ATF7IP: variants seen among roughly 807,000 people sequenced by gnomAD.
ATF7IP encodes activating transcription factor 7-interacting protein 1.
In ATF7IP, 23 loss-of-function variants were observed where a neutral mutation model predicts 106.4. That is an observed-to-expected ratio of 0.22 (90% confidence interval 0.16 to 0.31). The LOEUF (loss-of-function observed/expected upper bound fraction) is 0.31, where lower values mean the gene tolerates loss of function less well. ATF7IP is among the 10% of genes least tolerant of loss of function. The pLI, the probability that ATF7IP is intolerant of heterozygous loss-of-function variation, is 1.00. For synonymous variants in ATF7IP, 542 were observed against 539.0 expected (o/e 1.01, Z -0.08); for missense variants, 1,334 against 1,524.3 (o/e 0.88, Z 2.08).
At chr12:14,367,364 T>A (rs1272464684) in intron 1 of ATF7IP, 1 of 152,122 alleles carries the variant, frequency 6.6e-6, no homozygotes, top group Non-Finnish European at 1.5e-5. Flanking sequence ...TAGGAAAGAT[T>A]CTTCTTTTTT....
chr12:14,376,343 C>G (rs1375049980), intron 1 of ATF7IP, among the ~76,000 whole-genome samples: 1 of 152,228 alleles, frequency 6.6e-6, no homozygotes, highest in Non-Finnish European at 1.5e-5. Context: ...GCTCCAGCCT[C>G]TTAAGGCACA....
chr12:14,396,149 G>C (rs1439130743), intron 1 of ATF7IP, among the ~76,000 whole-genome samples: 7 of 152,166 alleles, frequency 4.6e-5, no homozygotes, highest in African/African-American at 1.7e-4. Flanking sequence ...GTAAAGTGAA[G>C]AGTGGTAGTG....
In ATF7IP at chr12:14,425,024, A is replaced by T; in HGVS notation, c.1109A>T (p.Lys370Met). 6.2e-7 allele frequency: 1 copy of T among 1,611,288 alleles called. No homozygotes were observed. The highest frequency in any genetic ancestry group is 8.5e-7 in the Non-Finnish European group (1 of 1,179,318). Residue 370 changes from lysine to methionine, a missense_variant, in exon 2 of 15, where the codon AAG becomes ATG. Around this residue, in one of 10 missense-constraint regions of ATF7IP, gnomAD observed 438 missense variants for 405.3 expected, o/e 1.08. Transcript: ENST00000261168. ...CSDRPPENEK[K>M]VEEDIITELA... is the part of the protein sequence containing the mutation. ...GATCGACCTCCTGAAAATGAAAAGAAGGTAGAGGAAGATATTATCACAGAG... is the reference window on the plus strand; with the variant it reads ...GATCGACCTCCTGAAAATGAAAAGATGGTAGAGGAAGATATTATCACAGAG...
intron 1 of ATF7IP, among the ~76,000 whole-genome samples, chr12:14,393,772 A>G (rs1463622241): frequency 6.6e-6 from 1 of 152,212 alleles, no homozygotes; most frequent in Non-Finnish European, 1.5e-5. Flanking sequence ...TTACTTTAAA[A>G]TGAAATTTAA....
chr12:14,431,145 G>T (rs1217210537), intron 2 of ATF7IP, among the ~76,000 whole-genome samples: 1 of 152,160 alleles, frequency 6.6e-6, no homozygotes, highest in African/African-American at 2.4e-5. Context: ...CCTTATTAAA[G>T]ATAGTAGTCA....
Position 14,501,140 on chromosome 12 carries a change from T to G in ATF7IP, c.*3067T>G, listed in dbSNP as rs1319184121. 1 of 152,216 alleles carries G rather than the reference T, an allele frequency of 6.6e-6. No homozygotes were observed. The highest frequency in any genetic ancestry group is 1.9e-4 in the East Asian group (1 of 5,200). 9.4% of individuals were successfully genotyped at this position (152,216 alleles called of 1,614,324 possible). On this transcript the variant is annotated 3_prime_UTR_variant, in exon 15 of 15. Coordinates refer to ENST00000261168, the MANE Select transcript of ATF7IP (RefSeq NM_018179.5). Reference sequence around the variant, plus strand: ...AGAGAATGGAGGACTTAAGTAGAAGTAGCTACTGATAACAGACTTTCTAGT... The same window carrying G: ...AGAGAATGGAGGACTTAAGTAGAAGGAGCTACTGATAACAGACTTTCTAGT...
chr12:14,449,230 A>G (rs1943102867), intron 6 of ATF7IP, among the ~76,000 whole-genome samples: 2 of 152,094 alleles, frequency 1.3e-5, no homozygotes, highest in African/African-American at 2.4e-5. Context: ...ATCCAATGTC[A>G]TGAAACTTTT....
intron 4 of ATF7IP, 122 bp downstream of exon 4, chr12:14,436,373 C>T (rs1306618716): frequency 1.9e-6 from 2 of 1,049,388 alleles, no homozygotes; most frequent in Non-Finnish European, 2.7e-6. Context: ...AAAGAAAGAA[C>T]TTGAAGAAAG....
chr12:14,436,228 G>C lies in ATF7IP; in HGVS notation c.1768G>C (p.Asp590His). The C allele has an allele frequency of 1.2e-6, 2 of 1,612,852 alleles. No individual in the cohort carries two copies. Among genetic ancestry groups the C allele is most frequent in the Non-Finnish European group, 1.7e-6 (2 of 1,179,508 alleles). The change falls in exon 4 of 15, where the codon GAC (aspartate) becomes CAC (histidine). Residue 590 changes from aspartate to histidine, a missense_variant. By Grantham distance (81) the Asp-to-His change is moderately conservative (BLOSUM62 -1). Transcript: ENST00000261168. ...TCAAGTAAAGATTACAGCCAAAGGA[G>C]ACATTAACCAGAAACTTCAAAAGGT... is the stretch of plus-strand genomic sequence containing the variant. Reference protein sequence around the residue: ...EFQVKITAKGDINQKLQKVIQ... With the variant: ...EFQVKITAKGHINQKLQKVIQ...
Position 14,398,559 on chromosome 12 carries a change from GA to G in ATF7IP, c.-7-25343del, listed in dbSNP as rs1347489595. Among the ~76,000 whole-genome samples, 5 of 150,126 alleles carry G rather than the reference GA, an allele frequency of 3.3e-5. No individual in the cohort carries two copies. In the South Asian group the frequency reaches 6.3e-4, roughly 19 times the overall value. ...ATTGATGTACATTGGCTGTATTTGT[GA>G]AAAAAATTATATTTTGGGTTTATTG... On this transcript the variant is annotated intron_variant, in intron 1 of 14. Coordinates refer to ENST00000261168, the MANE Select transcript of ATF7IP (RefSeq NM_018179.5).
Position 14,498,779 on chromosome 12 carries a change from A to C in ATF7IP, c.*706A>C, listed in dbSNP as rs1280053005. ...TATGGCCATATGTCCGTTGTTGCTT[A>C]GTCTTCCCTTGCAGCCTTTTACCCT... is the stretch of plus-strand genomic sequence containing the variant. On this transcript the variant is annotated 3_prime_UTR_variant, in exon 15 of 15. Coordinates refer to ENST00000261168, the MANE Select transcript of ATF7IP (RefSeq NM_018179.5). 1 of 152,620 alleles carries C rather than the reference A, an allele frequency of 6.6e-6. No homozygotes were observed. The highest frequency in any genetic ancestry group is 1.5e-5 in the Non-Finnish European group (1 of 68,052). 9.5% of individuals were successfully genotyped at this position (152,620 alleles called of 1,614,324 possible). A position where few individuals can be genotyped will look rare whatever the true frequency, so the allele number is the denominator to read the frequency against.
At chr12:14,436,740 A>C (rs111496583) in intron 4 of ATF7IP, among the ~76,000 whole-genome samples, 7 of 151,978 alleles carry the variant, frequency 4.6e-5, no homozygotes, top group African/African-American at 1.7e-4. Flanking sequence ...TATCCTTGAT[A>C]ATTTAATTTT....
chr12:14,499,335 G>A lies in ATF7IP; in HGVS notation c.*1262G>A, dbSNP rs1474321075. On this transcript the variant is annotated 3_prime_UTR_variant, in exon 15 of 15. Coordinates refer to ENST00000261168, the MANE Select transcript of ATF7IP (RefSeq NM_018179.5). ...TTATTTTTGGTCACTATTTAACTTTGTGTAAAGTGGACCAAGAGAAAACCA... is the reference window on the plus strand; with the variant it reads ...TTATTTTTGGTCACTATTTAACTTTATGTAAAGTGGACCAAGAGAAAACCA... 1 of 152,068 alleles carries A rather than the reference G, an allele frequency of 6.6e-6. No individual in the cohort carries two copies. Among genetic ancestry groups the A allele is most frequent in the Non-Finnish European group, 1.5e-5 (1 of 68,006 alleles). The allele number at this position is 152,068 out of a possible 1,614,324, so 9.4% of individuals were successfully genotyped here. A position where few individuals can be genotyped will look rare whatever the true frequency, so the allele number is the denominator to read the frequency against.
At chr12:14,458,944 TAATA>T (rs1371233715) in intron 8 of ATF7IP, among the ~76,000 whole-genome samples, 2 of 152,210 alleles carry the variant, frequency 1.3e-5, no homozygotes, top group African/African-American at 2.4e-5. Flanking sequence ...CACATTTTAT[TAATA>T]AATATTATTT....
At position 14,460,874 on chromosome 12, in the gene ATF7IP, C is replaced by T. The variant is rs779414542; in HGVS notation, c.2538C>T (p.Asn846=). ...PSLPNPTKPN[N]VPSVPSPSIQ... is the part of the protein sequence containing the mutation. ...TGCCAAATCCCACTAAACCAAACAA[C>T]GTTCCTTCTGTGCCCAGTCCTAGTA... Residue 846 remains asparagine, a synonymous_variant, in exon 9 of 15, where the codon AAC becomes AAT. Coordinates refer to ENST00000261168, the MANE Select transcript of ATF7IP (RefSeq NM_018179.5). The T allele has an allele frequency of 6.2e-6, 10 of 1,614,048 alleles. No homozygotes were observed. Among genetic ancestry groups the T allele is most frequent in the African/African-American group, 2.7e-5 (2 of 74,930 alleles).
In ATF7IP at chr12:14,498,056, T is replaced by C. The variant is rs371926275; in HGVS notation, c.3796T>C (p.Ser1266Pro). ...TCCTCAGTCAACAGATGTGATCTCTTCTACCCAGAGCAGTTAAACCTTGGA... is the reference window on the plus strand; with the variant it reads ...TCCTCAGTCAACAGATGTGATCTCTCCTACCCAGAGCAGTTAAACCTTGGA... ...CDPQSTDVIS[S>P]TQSS Residue 1266 changes from serine to proline, a missense_variant, in exon 15 of 15, where the codon TCT becomes CCT. Transcript: ENST00000261168. The C allele has an allele frequency of 9.4e-6, 15 of 1,597,186 alleles. No homozygotes were observed. The highest frequency in any genetic ancestry group is 1.7e-5 in the Admixed American group (1 of 59,332).
At chr12:14,369,378 G>A (rs1340859702) in intron 1 of ATF7IP, 1 of 152,078 alleles carries the variant, frequency 6.6e-6, no homozygotes, top group Non-Finnish European at 1.5e-5. Context: ...TTTTTGAGGT[G>A]GAGTCTAGCT....
At chr12:14,387,494 G>T (rs1055693338) in intron 1 of ATF7IP, among the ~76,000 whole-genome samples, 1 of 152,130 alleles carries the variant, frequency 6.6e-6, no homozygotes, top group Non-Finnish European at 1.5e-5. Context: ...CTGGTCTTGA[G>T]TGGGATCTTA....
At chr12:14,431,561 A>T (rs1171581112) in intron 2 of ATF7IP, among the ~76,000 whole-genome samples, 2 of 151,862 alleles carry the variant, frequency 1.3e-5, no homozygotes, top group Non-Finnish European at 2.9e-5. Context: ...CATACAGCTA[A>T]TTTTTTATAT....
Sources: allele counts gnomAD v4.1 joint callset (sites outside exome capture counted in the v4.1 genomes callset), GRCh38; gene constraint gnomAD v4.1.1; regional missense constraint gnomAD v4.1.1; transcripts MANE v1.5; gene names NCBI Gene and HGNC (gene_info 2026-07-23, HGNC 2026-07-21).